Variants in MGRN1 observed in about 807,000 individuals in gnomAD.
The protein encoded by MGRN1 is mahogunin ring finger 1.
Under a neutral mutation model 69.2 loss-of-function variants are expected in MGRN1, and 29 were observed. The observed-to-expected ratio is 0.42, with a 90% CI of 0.31 to 0.57. MGRN1 has a LOEUF of 0.57. MGRN1 is among the 20% of genes least tolerant of loss of function. The pLI, the probability that MGRN1 is intolerant of heterozygous loss-of-function variation, is 0.15. For synonymous variants in MGRN1, 470 were observed against 344.2 expected (o/e 1.37, Z -4.04); for missense variants, 998 against 796.2 (o/e 1.25, Z -3.05).
At chr16:4,644,381 G>C (rs1158789416) in intron 1 of MGRN1, among the ~76,000 whole-genome samples, 4 of 147,388 alleles carry the variant, frequency 2.7e-5, no homozygotes, top group Non-Finnish European at 4.4e-5. Flanking sequence ...CCCAATCTCA[G>C]CTCACGGCAA....
At chr16:4,663,204 C>T (rs1461546227) in intron 5 of MGRN1, among the ~76,000 whole-genome samples, 2 of 152,066 alleles carry the variant, frequency 1.3e-5, no homozygotes, top group African/African-American at 4.8e-5. Context: ...GCTGGGATTA[C>T]AGGCATGCGT....
At chr16:4,672,572 A>G (rs2078963344) in intron 9 of MGRN1, 1 of 412,558 alleles carries the variant, frequency 2.4e-6, no homozygotes, top group Admixed American at 2.7e-5. Flanking sequence ...AAAGGTTCAG[A>G]GAGGGAATGT....
chr16:4,637,615 A>T (rs1596262105), intron 1 of MGRN1, among the ~76,000 whole-genome samples: 2 of 152,206 alleles, frequency 1.3e-5, no homozygotes, highest in African/African-American at 4.8e-5. Flanking sequence ...CAGTAACCTC[A>T]GGGGAAACGG....
chr16:4,659,343 A>G (rs2078624210), intron 5 of MGRN1, among the ~76,000 whole-genome samples: 2 of 150,786 alleles, frequency 1.3e-5, no homozygotes, highest in Non-Finnish European at 3.0e-5. Context: ...GGAGTTTGGG[A>G]GGTGTCTGTG....
chr16:4,664,966 C>G lies in MGRN1; in HGVS notation c.629-136C>G, dbSNP rs140069781. ...GTGGAAAGTGCAGGAGGGCAGGTCC[C>G]AGAACAGGCTCAGGACTCTATGGAC... On this transcript the variant is annotated intron_variant, in intron 6 of 16. Coordinates refer to ENST00000262370, the MANE Select transcript of MGRN1 (RefSeq NM_015246.4). 3.8e-4 allele frequency: 450 copies of G among 1,199,254 alleles called. 1 individual carries two copies. Among genetic ancestry groups the G allele is most frequent in the Middle Eastern group, 3.5e-3 (16 of 4,574 alleles). 74.3% of individuals were successfully genotyped at this position (1,199,254 alleles called of 1,614,324 possible). A position where few individuals can be genotyped will look rare whatever the true frequency, so the allele number is the denominator to read the frequency against.
chr16:4,688,978 C>G lies in MGRN1; in HGVS notation c.*70C>G, dbSNP rs879416317. ...TTTGCCGAGGGGCTGCTCCGGACCC[C>G]GTTGTGAGCCGGCCTCCTGTCTGCA... On this transcript the variant is annotated 3_prime_UTR_variant, in exon 17 of 17. Transcript: ENST00000262370. 4 of 1,463,346 alleles carry G rather than the reference C, an allele frequency of 2.7e-6. No homozygotes were observed. Among genetic ancestry groups the G allele is most frequent in the Non-Finnish European group, 3.6e-6 (4 of 1,101,950 alleles). The allele number at this position is 1,463,346 out of a possible 1,614,324, so 90.6% of individuals were successfully genotyped here. A position where few individuals can be genotyped will look rare whatever the true frequency, so the allele number is the denominator to read the frequency against.
chr16:4,627,799 G>C lies in MGRN1; in HGVS notation c.88+2751G>C, dbSNP rs550749234. ...AGCGAGACTCCGTCTCAAAAAAAAA[G>C]GCTGGGCGCGGTGGTTCACGCCTGT... On this transcript the variant is annotated intron_variant, in intron 1 of 16. Transcript: ENST00000262370. Among the ~76,000 whole-genome samples the C allele has an allele frequency of 9.3e-5, 13 of 140,466 alleles. No individual in the cohort carries two copies. The South Asian group carries it at 2.9e-3, about 32-fold the overall frequency. 92.2% of individuals were successfully genotyped at this position (140,466 alleles called of 152,430 possible).
chr16:4,650,547 C>T (rs140245660), intron 2 of MGRN1, 64 bp downstream of exon 2: 152 of 1,298,522 alleles, frequency 1.2e-4, no homozygotes, highest in African/African-American at 9.4e-4. Flanking sequence ...CCCAGCAGTC[C>T]GCATCCCAGC....
chr16:4,643,456 G>T (rs59617372), intron 1 of MGRN1, among the ~76,000 whole-genome samples: 5,929 of 131,810 alleles, frequency 0.045, 421 homozygotes, highest in African/African-American at 0.16. Context: ...TGCAACCTCC[G>T]CTTCCTGGGT....
chr16:4,686,889 C>G, intron 16 of MGRN1: 1 of 985,606 alleles, frequency 1.0e-6, no homozygotes, highest in Non-Finnish European at 1.2e-6. Context: ...GCCCCTGGAT[C>G]ACGTCTTCCC....
rs568931663 is a variant in MGRN1 at position 4,624,918 on chromosome 16, C to T, written c.-43C>T. The T allele has an allele frequency of 6.7e-6, 10 of 1,482,076 alleles. 1 individual carries two copies. The South Asian group carries it at 1.1e-4, about 17-fold the overall frequency. The allele number at this position is 1,482,076 out of a possible 1,614,324, so 91.8% of individuals were successfully genotyped here. A position where few individuals can be genotyped will look rare whatever the true frequency, so the allele number is the denominator to read the frequency against. Reference sequence around the variant, plus strand: ...TGAGGACCCCGCCGCTGTCGCCGCTCCCGTTCCGGCCCTGGCCCCTCTGCC... The same window carrying T: ...TGAGGACCCCGCCGCTGTCGCCGCTTCCGTTCCGGCCCTGGCCCCTCTGCC... On this transcript the variant is annotated 5_prime_UTR_variant, in exon 1 of 17. Coordinates refer to ENST00000262370, the MANE Select transcript of MGRN1 (RefSeq NM_015246.4).
At chr16:4,682,695 G>C in intron 13 of MGRN1, 128 bp from the exon 14 acceptor site, 12 of 1,126,340 alleles carry the variant, frequency 1.1e-5, no homozygotes, top group Non-Finnish European at 1.4e-5. Flanking sequence ...CCCTTCTCCA[G>C]GGAGTGTCCT....
At chr16:4,665,194 T>G (rs2078773961) in intron 7 of MGRN1, 43 bp downstream of exon 7, 1 of 1,607,746 alleles carries the variant, frequency 6.2e-7, no homozygotes, top group Non-Finnish European at 8.5e-7. Context: ...ACCTGGGAGC[T>G]GGGCAGGGGG....
rs755710133 is a variant in MGRN1, at chr16:4,683,925, C to T, written c.1611C>T (p.Tyr537=). The change falls in exon 16 of 17, where the codon TAC becomes TAT. Residue 537 remains tyrosine, a synonymous_variant. Coordinates refer to ENST00000262370, the MANE Select transcript of MGRN1 (RefSeq NM_015246.4). ...HCGRGPPADI[Y]LPGRPTSMET... ...GCCGAGGCCCACCTGCTGACATCTACCTGCCAGGTAAGGGGCTGGGGGTCT... is the reference window on the plus strand; with the variant it reads ...GCCGAGGCCCACCTGCTGACATCTATCTGCCAGGTAAGGGGCTGGGGGTCT... 14 of 1,606,618 alleles carry T rather than the reference C, an allele frequency of 8.7e-6. No homozygotes were observed. The South Asian group carries it at 1.2e-4, about 14-fold the overall frequency.
intron 8 of MGRN1, chr16:4,669,290 C>G (rs1401100618): frequency 6.6e-6 from 1 of 152,024 alleles, no homozygotes; most frequent in Non-Finnish European, 1.5e-5. Flanking sequence ...AAAAATTAAC[C>G]GGGTATAATA....
intron 5 of MGRN1, among the ~76,000 whole-genome samples, chr16:4,661,440 G>A (rs1260222189): frequency 1.3e-5 from 2 of 152,230 alleles, no homozygotes; most frequent in East Asian, 3.8e-4. Context: ...AGGGCTTCAG[G>A]GTGCTGGTGT....
chr16:4,677,435 C>A, intron 10 of MGRN1, 28 bp from the exon 11 acceptor site: 1 of 1,518,594 alleles, frequency 6.6e-7, no homozygotes, highest in South Asian at 1.2e-5. Context: ...GTCGCCTGGG[C>A]CTGATCTGAG....
chr16:4,677,024 G>C (rs2079067404), intron 10 of MGRN1: 1 of 156,332 alleles, frequency 6.4e-6, no homozygotes, highest in South Asian at 2.0e-4. Context: ...CAGGACTGCT[G>C]ATTTGCAGTC....
At chr16:4,654,600 C>G (rs1321414090) in intron 4 of MGRN1, among the ~76,000 whole-genome samples, 1 of 152,226 alleles carries the variant, frequency 6.6e-6, no homozygotes, top group African/African-American at 2.4e-5. Flanking sequence ...TGGTTGAGAG[C>G]CTAGGCTTTG....
Sources: allele counts gnomAD v4.1 joint callset (sites outside exome capture counted in the v4.1 genomes callset), GRCh38; gene constraint gnomAD v4.1.1; transcripts MANE v1.5; gene names NCBI Gene and HGNC (gene_info 2026-07-23, HGNC 2026-07-21).